The following ADAM22 variants were observed in gnomAD, a reference collection of about 807,000 sequenced individuals.
The protein encoded by ADAM22 is disintegrin and metalloproteinase domain-containing protein 22.
In ADAM22, 65 loss-of-function variants were observed where a neutral mutation model predicts 144.6. The ratio of observed to expected loss-of-function variants is 0.45; its 90% confidence interval spans 0.37 to 0.55. The LOEUF (loss-of-function observed/expected upper bound fraction) is 0.55, where lower values mean the gene tolerates loss of function less well. Ranked by LOEUF, ADAM22 falls within the 20% of genes least tolerant of loss-of-function variation. The pLI, the probability that ADAM22 is intolerant of heterozygous loss-of-function variation, is 0.00. For synonymous variants in ADAM22, 391 were observed against 412.6 expected (o/e 0.95, Z 0.63); for missense variants, 974 against 1,184.9 (o/e 0.82, Z 2.61).
At chr7:88,129,499 G>T (rs1831234620) in intron 9 of ADAM22, among the ~76,000 whole-genome samples, 2 of 151,896 alleles carry the variant, frequency 1.3e-5, no homozygotes, top group African/African-American at 4.8e-5. Context: ...ACACAATCAG[G>T]ATTGAGTGCT....
intron 26 of ADAM22, among the ~76,000 whole-genome samples, chr7:88,174,887 T>C (rs1845256564): frequency 6.6e-6 from 1 of 152,118 alleles, no homozygotes; most frequent in Admixed American, 6.6e-5. Flanking sequence ...CTTAGTTTGT[T>C]TTTATATTAT....
At chr7:87,946,773 A>C (rs774423743) in intron 2 of ADAM22, among the ~76,000 whole-genome samples, 21 of 152,318 alleles carry the variant, frequency 1.4e-4, no homozygotes, top group Non-Finnish European at 2.5e-4. Context: ...TCATTGCACT[A>C]TTCATAACAG....
intron 13 of ADAM22, among the ~76,000 whole-genome samples, chr7:88,134,696 G>A (rs533616561): frequency 6.6e-6 from 1 of 152,198 alleles, no homozygotes; most frequent in Admixed American, 6.5e-5. Flanking sequence ...AGCCCAGTTT[G>A]TTCATCATTA....
intron 2 of ADAM22, among the ~76,000 whole-genome samples, chr7:87,969,925 A>G (rs1309583879): frequency 6.6e-6 from 1 of 152,220 alleles, no homozygotes; most frequent in African/African-American, 2.4e-5. Context: ...GAAAAGGGAG[A>G]GTAACATGGA....
At position 88,114,661 on chromosome 7, in the gene ADAM22, C is replaced by A; in HGVS notation, c.537+14C>A. ...GACACTACTCAAGTAAGTGCTCCTT[C>A]TGTTTGTTGTGGCAAATGGAAATGT... On this transcript the variant is annotated intron_variant, in intron 6 of 31. Coordinates refer to ENST00000413139, the MANE Select transcript of ADAM22 (RefSeq NM_001324418.2). 6.2e-7 allele frequency: 1 copy of A among 1,613,060 alleles called. No homozygotes were observed.
At chr7:87,962,329 G>A (rs1848177523) in intron 2 of ADAM22, among the ~76,000 whole-genome samples, 2 of 152,192 alleles carry the variant, frequency 1.3e-5, no homozygotes, top group Admixed American at 1.3e-4. Flanking sequence ...CAGTTGTCAG[G>A]TTTATTTTAA....
Position 88,198,773 on chromosome 7 carries a change from T to G in ADAM22, c.*2282T>G, listed in dbSNP as rs1850927833. ...CTTTCTTCCCTCACCTATTTTTACATGAAATTATTATTTCAAATGAAAATC... is the reference window on the plus strand; with the variant it reads ...CTTTCTTCCCTCACCTATTTTTACAGGAAATTATTATTTCAAATGAAAATC... On this transcript the variant is annotated 3_prime_UTR_variant, in exon 32 of 32. Transcript: ENST00000413139. 1 of 152,228 alleles carries G rather than the reference T, an allele frequency of 6.6e-6. No homozygotes were observed. The highest frequency in any genetic ancestry group is 2.4e-5 in the African/African-American group (1 of 41,444). The allele number at this position is 152,228 out of a possible 1,614,324, so 9.4% of individuals were successfully genotyped here. A position where few individuals can be genotyped will look rare whatever the true frequency, so the allele number is the denominator to read the frequency against.
At chr7:88,142,566 T>C (rs575679335) in intron 14 of ADAM22, among the ~76,000 whole-genome samples, 137 of 152,194 alleles carry the variant, frequency 9.0e-4, no homozygotes, top group East Asian at 2.1e-3. Flanking sequence ...TGGCCGGGCG[T>C]GGTGGCTCAC....
At chr7:87,949,011 G>A (rs932478996) in intron 2 of ADAM22, among the ~76,000 whole-genome samples, 1 of 152,198 alleles carries the variant, frequency 6.6e-6, no homozygotes, top group African/African-American at 2.4e-5. Flanking sequence ...GTACTTTTGA[G>A]ATAGTTCCAA....
chr7:88,127,768 T>C (rs1299119567), intron 8 of ADAM22, among the ~76,000 whole-genome samples: 1 of 151,972 alleles, frequency 6.6e-6, no homozygotes, highest in Non-Finnish European at 1.5e-5. Context: ...AAACGTTTTC[T>C]GGAAAAGTTT....
At chr7:87,965,017 C>T (rs891712032) in intron 2 of ADAM22, among the ~76,000 whole-genome samples, 1 of 152,182 alleles carries the variant, frequency 6.6e-6, no homozygotes, top group African/African-American at 2.4e-5. Flanking sequence ...ACACACACCA[C>T]AATCCCATCT....
At chr7:88,001,217 TG>T (rs896284931) in intron 3 of ADAM22, among the ~76,000 whole-genome samples, 17 of 152,344 alleles carry the variant, frequency 1.1e-4, no homozygotes, top group Non-Finnish European at 2.1e-4. Flanking sequence ...TTTCAGATTT[TG>T]GAAGATTTGC....
intron 30 of ADAM22, among the ~76,000 whole-genome samples, chr7:88,187,628 T>C (rs965501426): frequency 6.6e-6 from 1 of 152,352 alleles, no homozygotes; most frequent in South Asian, 2.1e-4. Context: ...AGGAGAAATA[T>C]GTACTCAATT....
chr7:88,178,024 C>A (rs1846099938), intron 26 of ADAM22, among the ~76,000 whole-genome samples: 1 of 152,040 alleles, frequency 6.6e-6, no homozygotes, highest in Non-Finnish European at 1.5e-5. Flanking sequence ...GACAAATGAC[C>A]AGATTAGCTA....
chr7:88,115,821 A>G (rs1279326167), intron 6 of ADAM22, among the ~76,000 whole-genome samples: 1 of 152,228 alleles, frequency 6.6e-6, no homozygotes, highest in African/African-American at 2.4e-5. Context: ...GATGAAGTTT[A>G]GAGAAACCTG....
intron 3 of ADAM22, among the ~76,000 whole-genome samples, chr7:87,983,595 T>C (rs1474110332): frequency 1.3e-5 from 2 of 152,170 alleles, no homozygotes; most frequent in Admixed American, 1.3e-4. Context: ...ATAACATGAA[T>C]GGCAAATAAT....
In ADAM22 at chr7:88,114,512, C is replaced by T. The variant is rs1010673040; in HGVS notation, c.474-72C>T. On this transcript the variant is annotated intron_variant, in intron 5 of 31. Coordinates refer to ENST00000413139, the MANE Select transcript of ADAM22 (RefSeq NM_001324418.2). ...AAGCAAATGGGCCCTCTGGCTGCTG[C>T]TGATTTTAAAATGATCTTGTTCTGG... The T allele has an allele frequency of 2.0e-6, 3 of 1,472,684 alleles. No homozygotes were observed. The African/African-American group carries it at 4.2e-5, about 21-fold the overall frequency. 91.2% of individuals were successfully genotyped at this position (1,472,684 alleles called of 1,614,324 possible).
intron 5 of ADAM22, among the ~76,000 whole-genome samples, chr7:88,113,803 T>C (rs1322596489): frequency 6.9e-6 from 1 of 145,492 alleles, no homozygotes; most frequent in Non-Finnish European, 1.5e-5. Context: ...TGTTTGCTAT[T>C]GTATCCCCAG....
rs192217623 is a variant in ADAM22 at position 88,088,305 on chromosome 7, C to T, written c.390+12613C>T. ...TTCTGTTCACATCTGTCTTCCCTCC[C>T]TGGGGTGGGAGCCCCATGATAGATT... On this transcript the variant is annotated intron_variant, in intron 4 of 31. Transcript: ENST00000413139. Among the ~76,000 whole-genome samples the T allele has an allele frequency of 1.2e-3, 180 of 152,262 alleles. 1 individual carries two copies. Among genetic ancestry groups the T allele is most frequent in the Non-Finnish European group, 1.9e-3 (130 of 68,014 alleles).
Sources: allele counts gnomAD v4.1 joint callset (sites outside exome capture counted in the v4.1 genomes callset), GRCh38; gene constraint gnomAD v4.1.1; transcripts MANE v1.5; gene names NCBI Gene and HGNC (gene_info 2026-07-23, HGNC 2026-07-21).